ZBTB20: variants seen among roughly 807,000 people sequenced by gnomAD.
ZBTB20 encodes the protein zinc finger and BTB domain containing 20.
A neutral mutation model predicts 56.9 loss-of-function variants in ZBTB20; 9 were observed. The ratio of observed to expected loss-of-function variants is 0.16; its 90% CI spans 0.10 to 0.28. The LOEUF (loss-of-function observed/expected upper bound fraction) is 0.28, where lower values mean the gene tolerates loss of function less well. Among genes scored for constraint, ZBTB20 ranks in the 10% least tolerant of loss-of-function variants. The pLI, the probability that ZBTB20 is intolerant of heterozygous loss-of-function variation, is 1.00. For synonymous variants in ZBTB20, 417 were observed against 420.7 expected (o/e 0.99, Z 0.11); for missense variants, 655 against 1,003.0 (o/e 0.65, Z 4.69).
intron 5 of ZBTB20, among the ~76,000 whole-genome samples, chr3:114,780,766 G>A (rs542939782): frequency 3.9e-5 from 6 of 152,230 alleles, no homozygotes; most frequent in South Asian, 2.1e-4. Flanking sequence ...GATTACAAGC[G>A]TGAGCCACCA....
At chr3:114,724,874 A>G (rs918146607) in intron 5 of ZBTB20, among the ~76,000 whole-genome samples, 5 of 152,190 alleles carry the variant, frequency 3.3e-5, no homozygotes, top group African/African-American at 4.8e-5. Flanking sequence ...CATTTAATTG[A>G]GCCATAAAAT....
intron 4 of ZBTB20, among the ~76,000 whole-genome samples, chr3:114,819,851 T>C (rs1325294316): frequency 1.3e-5 from 2 of 151,774 alleles, no homozygotes; most frequent in East Asian, 3.9e-4. Flanking sequence ...TAAAACTACA[T>C]GAGTAAAGAC....
intron 2 of ZBTB20, among the ~76,000 whole-genome samples, chr3:115,015,380 C>T (rs1171892446): frequency 1.3e-5 from 2 of 151,648 alleles, no homozygotes; most frequent in African/African-American, 4.8e-5. Flanking sequence ...AAATGTGTGC[C>T]ATGGTGGTTT....
intron 5 of ZBTB20, among the ~76,000 whole-genome samples, chr3:114,701,084 G>T (rs1030358675): frequency 3.3e-5 from 5 of 152,162 alleles, no homozygotes; most frequent in Non-Finnish European, 7.4e-5. Flanking sequence ...ATCCACTGTG[G>T]AATGAAGCAC....
chr3:114,421,775 A>T (rs941440011), intron 7 of ZBTB20, among the ~76,000 whole-genome samples: 1 of 151,776 alleles, frequency 6.6e-6, no homozygotes, highest in African/African-American at 2.4e-5. Context: ...TGAAGGAAAA[A>T]ATAAGACATT....
chr3:115,027,302 C>T lies in ZBTB20; in HGVS notation c.-507+43917G>A, dbSNP rs2080466194. 2.0e-5 allele frequency among the ~76,000 whole-genome samples: 3 copies of T among 150,804 alleles called. No homozygotes were observed. The South Asian group carries it at 6.2e-4, about 31-fold the overall frequency. On this transcript the variant is annotated intron_variant, in intron 2 of 11. Coordinates refer to ENST00000675478, the MANE Select transcript of ZBTB20 (RefSeq NM_001348800.3). ...GTTCTTTCATTAAGGGAAATTTTTC[C>T]ATTTAAATTTATACTAAAAATATTG...
intron 6 of ZBTB20, among the ~76,000 whole-genome samples, chr3:114,540,960 G>C (rs2049040520): frequency 6.6e-6 from 1 of 151,936 alleles, no homozygotes; most frequent in Non-Finnish European, 1.5e-5. Flanking sequence ...GATTTAAAGA[G>C]AAATACTGAA....
At chr3:114,863,387 G>C (rs1041408144) in intron 4 of ZBTB20, among the ~76,000 whole-genome samples, 3 of 151,968 alleles carry the variant, frequency 2.0e-5, no homozygotes, top group African/African-American at 7.2e-5. Context: ...CTTCAAATTG[G>C]AACCTAGTTA....
In ZBTB20 at chr3:114,525,042, C is replaced by G. The variant is rs75018620; in HGVS notation, c.-294-24651G>C. On this transcript the variant is annotated intron_variant, in intron 6 of 11. Transcript: ENST00000675478. ...AATTTTGAATACTCTCTACTCTCCC[C>G]CTTTGGGACCATCACTACTCTAGCC... Among the ~76,000 whole-genome samples the G allele has an allele frequency of 6.6e-3, 1,005 of 152,244 alleles. 18 individuals carry two copies. The highest frequency in any genetic ancestry group is 0.022 in the African/African-American group (927 of 41,554).
chr3:114,748,278 G>GCTTCTTTC (rs1249900246), intron 5 of ZBTB20, among the ~76,000 whole-genome samples: 5 of 130,670 alleles, frequency 3.8e-5, no homozygotes, highest in Non-Finnish European at 8.3e-5. Flanking sequence ...TTTTGTTGTA[G>GCTTCTTTC]CTTCTTTCTT....
At position 114,486,137 on chromosome 3, in the gene ZBTB20, T is replaced by TGTGTAGG. The variant is rs57087489; in HGVS notation, c.-255+14214_-255+14215insCCTACAC. ...CAGTAAGAGTGTGTGTGTGTGTGTG[T>TGTGTAGG]GGGGGGGGGGGGCGGTGTATGAATT... On this transcript the variant is annotated intron_variant, in intron 7 of 11. Transcript: ENST00000675478. Among the ~76,000 whole-genome samples, 2 of 6,208 alleles carry TGTGTAGG rather than the reference T, an allele frequency of 3.2e-4. 1 individual carries two copies. The highest frequency in any genetic ancestry group is 0.015 in the South Asian group (2 of 130). The allele number at this position is 6,208 out of a possible 152,430, so 4.1% of individuals were successfully genotyped here.
At chr3:114,690,978 G>A (rs1229023257) in intron 6 of ZBTB20, among the ~76,000 whole-genome samples, 1 of 151,994 alleles carries the variant, frequency 6.6e-6, no homozygotes, top group Non-Finnish European at 1.5e-5. Context: ...GTATAGATCT[G>A]GCAGGCAAAT....
chr3:114,658,278 C>G (rs2060523123), intron 6 of ZBTB20: 1 of 152,126 alleles, frequency 6.6e-6, no homozygotes, highest in African/African-American at 2.4e-5. Flanking sequence ...ACATGTGGTA[C>G]AGTTGTGTAG....
chr3:114,458,162 A>C (rs868177874), intron 7 of ZBTB20, among the ~76,000 whole-genome samples: 52 of 152,270 alleles, frequency 3.4e-4, no homozygotes, highest in Middle Eastern at 6.8e-3. Flanking sequence ...CATTTTCAGC[A>C]CTTTGAGGAC....
At chr3:114,736,723 T>C (rs1326764825) in intron 5 of ZBTB20, among the ~76,000 whole-genome samples, 1 of 151,970 alleles carries the variant, frequency 6.6e-6, no homozygotes, top group Non-Finnish European at 1.5e-5. Context: ...AGCTGTGAAA[T>C]GGATGTACAT....
chr3:114,983,741 A>G (rs191974342), intron 2 of ZBTB20, among the ~76,000 whole-genome samples: 1 of 152,074 alleles, frequency 6.6e-6, no homozygotes, highest in South Asian at 2.1e-4. Context: ...TACAGCCAAC[A>G]GAGTTTAAAT....
At chr3:114,589,114 A>C (rs114537112) in intron 6 of ZBTB20, among the ~76,000 whole-genome samples, 2,472 of 152,292 alleles carry the variant, frequency 0.016, 29 homozygotes, top group Non-Finnish European at 0.024. Flanking sequence ...CATGAAGATT[A>C]TGGGAACTAC....
rs542899713 is a variant in ZBTB20, at chr3:114,389,854, A to G, written c.-254-749T>C. ...CAGTGAGCCGAGATTGCACCACTGC[A>G]CTCCAGCCTGGCAACAGAGCAAGAG... is the stretch of plus-strand genomic sequence containing the variant. On this transcript the variant is annotated intron_variant, in intron 7 of 11. Transcript: ENST00000675478. Among the ~76,000 whole-genome samples, 23 of 128,852 alleles carry G rather than the reference A, an allele frequency of 1.8e-4. No homozygotes were observed. The East Asian group carries it at 5.4e-3, about 30-fold the overall frequency. The allele number at this position is 128,852 out of a possible 152,430, so 84.5% of individuals were successfully genotyped here. A position where few individuals can be genotyped will look rare whatever the true frequency, so the allele number is the denominator to read the frequency against.
In ZBTB20 at chr3:114,352,030, A is replaced by G; in HGVS notation, c.200-152T>C. ...TGGGGAGATGGACAGGCTGCGGCAT[A>G]CAAGCTGTAGGTACGATGACCTGAG... On this transcript the variant is annotated intron_variant, in intron 10 of 11. Coordinates refer to ENST00000675478, the MANE Select transcript of ZBTB20 (RefSeq NM_001348800.3). 9 of 992,408 alleles carry G rather than the reference A, an allele frequency of 9.1e-6. No homozygotes were observed. In the South Asian group the frequency reaches 1.6e-4, roughly 17 times the overall value. 61.5% of individuals were successfully genotyped at this position (992,408 alleles called of 1,614,324 possible).
Sources: gnomAD v4.1 joint callset for allele counts (sites outside exome capture counted in the v4.1 genomes callset) on GRCh38, gnomAD v4.1.1 for gene constraint, MANE v1.5 for transcripts, NCBI Gene and HGNC (gene_info 2026-07-23, HGNC 2026-07-21) for gene names.